PPP3CC: variants seen among roughly 807,000 people sequenced by gnomAD.
PPP3CC encodes the protein protein phosphatase 3 catalytic subunit gamma, also known as serine/threonine-protein phosphatase 2B catalytic subunit gamma isoform.
In PPP3CC, 35 loss-of-function variants were observed where a neutral mutation model predicts 60.3. That is an observed-to-expected ratio of 0.58 (90% CI 0.44 to 0.77). The LOEUF (loss-of-function observed/expected upper bound fraction) is 0.77, where lower values mean the gene tolerates loss of function less well. PPP3CC is among the 30% of genes least tolerant of loss of function. PPP3CC has a pLI of 0.00. For synonymous variants in PPP3CC, 206 were observed against 224.3 expected (o/e 0.92, Z 0.73); for missense variants, 570 against 628.9 (o/e 0.91, Z 1.00).
intron 3 of PPP3CC, among the ~76,000 whole-genome samples, chr8:22,479,079 C>T (rs1203844277): frequency 6.6e-6 from 1 of 152,032 alleles, no homozygotes; most frequent in Non-Finnish European, 1.5e-5. Context: ...AGATTATAAA[C>T]CTCTATAGGC....
chr8:22,526,713 C>T (rs1417024178), intron 8 of PPP3CC, among the ~76,000 whole-genome samples: 1 of 152,020 alleles, frequency 6.6e-6, no homozygotes, highest in African/African-American at 2.4e-5. Flanking sequence ...TTAAGACTTT[C>T]AAAATATAAA....
At chr8:22,457,696 C>A (rs1364873489) in intron 1 of PPP3CC, among the ~76,000 whole-genome samples, 1 of 152,226 alleles carries the variant, frequency 6.6e-6, no homozygotes, top group Non-Finnish European at 1.5e-5. Context: ...CAGTCTGAAC[C>A]ATACAATGTA....
chr8:22,521,348 GA>G, intron 6 of PPP3CC, among the ~76,000 whole-genome samples: 1 of 152,332 alleles, frequency 6.6e-6, no homozygotes, highest in Non-Finnish European at 1.5e-5. Flanking sequence ...GGCATCAACA[GA>G]CATGGTTCCT....
chr8:22,476,671 G>A (rs1228657154), intron 3 of PPP3CC, among the ~76,000 whole-genome samples: 1 of 152,136 alleles, frequency 6.6e-6, no homozygotes, highest in African/African-American at 2.4e-5. Flanking sequence ...GGTGGCTCAC[G>A]CCTGTAATCC....
chr8:22,444,072 G>A (rs1265797144), intron 1 of PPP3CC, among the ~76,000 whole-genome samples: 1 of 152,138 alleles, frequency 6.6e-6, no homozygotes, highest in African/African-American at 2.4e-5. Context: ...TATTTTAGGT[G>A]TCCTTTAAAT....
intron 12 of PPP3CC, among the ~76,000 whole-genome samples, chr8:22,536,050 A>T (rs553089282): frequency 6.6e-6 from 1 of 152,282 alleles, no homozygotes; most frequent in African/African-American, 2.4e-5. Context: ...TTTTTATAAG[A>T]TTGAATTCCT....
intron 3 of PPP3CC, among the ~76,000 whole-genome samples, chr8:22,486,808 C>A (rs546459592): frequency 1.3e-5 from 2 of 151,300 alleles, no homozygotes; most frequent in South Asian, 4.2e-4. Context: ...CGGCTCACTG[C>A]AGCCTCTGCC....
At chr8:22,497,449 C>T (rs1389026011) in intron 3 of PPP3CC, among the ~76,000 whole-genome samples, 1 of 152,088 alleles carries the variant, frequency 6.6e-6, no homozygotes, top group Admixed American at 6.5e-5. Context: ...ATGTGTGCCG[C>T]TGTGCCCCAG....
intron 3 of PPP3CC, chr8:22,492,595 GC>G: frequency 2.0e-6 from 1 of 494,476 alleles, no homozygotes; most frequent in Non-Finnish European, 3.7e-6. Flanking sequence ...CCCCACGTTG[GC>G]CCCTTATCTG....
chr8:22,493,142 T>G, intron 3 of PPP3CC: 2 of 1,512,154 alleles, frequency 1.3e-6, no homozygotes, highest in Admixed American at 3.4e-5. Context: ...AAGATAAAAC[T>G]TGAAGAAGTT....
Position 22,511,227 on chromosome 8 carries a change from G to A in PPP3CC, c.626G>A (p.Arg209Lys). ...GAAATTACTTCTTTAGATGACATTA[G>A]GAAAGTAAGTAATCTTTTATTATTC... ...SPEITSLDDI[R>K]KLDRFTEPPA... Residue 209 changes from arginine (R) to lysine (K), a missense_variant, in exon 5 of 14, where the codon AGG becomes AAG. Physicochemically the swap from Arg to Lys is conservative, Grantham distance 26 (BLOSUM62 2). Coordinates refer to ENST00000240139, the MANE Select transcript of PPP3CC (RefSeq NM_005605.5). The A allele has an allele frequency of 6.2e-7, 1 of 1,610,278 alleles. No homozygotes were observed. The highest frequency in any genetic ancestry group is 8.5e-7 in the Non-Finnish European group (1 of 1,177,266).
intron 1 of PPP3CC, among the ~76,000 whole-genome samples, chr8:22,446,549 C>G (rs1031111338): frequency 1.3e-5 from 2 of 151,974 alleles, no homozygotes; most frequent in Non-Finnish European, 2.9e-5. Flanking sequence ...TTAGGCCAGG[C>G]GTGGTGGCTC....
chr8:22,515,233 C>T (rs530223901), intron 6 of PPP3CC, among the ~76,000 whole-genome samples: 2 of 152,244 alleles, frequency 1.3e-5, no homozygotes, highest in African/African-American at 4.8e-5. Context: ...GTTTGTCTTC[C>T]TGTGCCTGGC....
At chr8:22,540,488 C>T (rs867745343) in intron 13 of PPP3CC, 127 bp from the exon 14 acceptor site, 35 of 890,878 alleles carry the variant, frequency 3.9e-5, no homozygotes, top group Non-Finnish European at 3.9e-5. Flanking sequence ...TTTCACTAGA[C>T]GTGTGCTCCA....
chr8:22,529,767 T>C (rs1352354731), intron 10 of PPP3CC, among the ~76,000 whole-genome samples: 1 of 152,200 alleles, frequency 6.6e-6, no homozygotes, highest in Non-Finnish European at 1.5e-5. Context: ...TTAACAAGCA[T>C]GAGCCACCAT....
At chr8:22,456,517 G>A (rs1009748474) in intron 1 of PPP3CC, among the ~76,000 whole-genome samples, 7 of 152,156 alleles carry the variant, frequency 4.6e-5, no homozygotes, top group African/African-American at 9.6e-5. Flanking sequence ...CTCTTTGCCC[G>A]TGTCAGTATC....
chr8:22,477,669 C>T (rs1466213624), intron 3 of PPP3CC, among the ~76,000 whole-genome samples: 1 of 151,826 alleles, frequency 6.6e-6, no homozygotes, highest in Non-Finnish European at 1.5e-5. Context: ...GCCATGTTGC[C>T]TAGGCTGGAG....
chr8:22,474,102 C>T (rs1837814512), intron 1 of PPP3CC, among the ~76,000 whole-genome samples: 1 of 151,646 alleles, frequency 6.6e-6, no homozygotes, highest in Non-Finnish European at 1.5e-5. Flanking sequence ...GCCATGTTGC[C>T]CAGGCTGGTC....
chr8:22,464,148 A>G (rs1837446638), intron 1 of PPP3CC, among the ~76,000 whole-genome samples: 1 of 152,032 alleles, frequency 6.6e-6, no homozygotes, highest in Admixed American at 6.5e-5. Flanking sequence ...AACTTTCCTT[A>G]TGATTTGTGA....
Sources: gnomAD v4.1 joint callset for allele counts (sites outside exome capture counted in the v4.1 genomes callset) on GRCh38, gnomAD v4.1.1 for gene constraint, MANE v1.5 for transcripts, NCBI Gene and HGNC (gene_info 2026-07-23, HGNC 2026-07-21) for gene names.